Variants in UGGT2 observed in about 807,000 individuals in gnomAD.
The protein encoded by UGGT2 is UDP-glucose glycoprotein glucosyltransferase 2.
In UGGT2, 180 loss-of-function variants were observed where a neutral mutation model predicts 192.1. That is an observed-to-expected ratio of 0.94 (90% CI 0.83 to 1.06). UGGT2 has a LOEUF of 1.06. Ranked by LOEUF, UGGT2 falls within the 50% of genes least tolerant of loss-of-function variation. The pLI, the probability that UGGT2 is intolerant of heterozygous loss-of-function variation, is 0.00. For missense variants in UGGT2, 1,849 were observed against 1,795.7 expected (o/e 1.03, Z -0.54); for synonymous variants, 580 against 591.0 (o/e 0.98, Z 0.27).
chr13:95,854,436 G>C lies in UGGT2; in HGVS notation c.4048C>G (p.Leu1350Val), dbSNP rs1233434155. 1 of 1,610,752 alleles carries C rather than the reference G, an allele frequency of 6.2e-7. No homozygotes were observed. The change falls in exon 35 of 39, where the codon CTG becomes GTG. Residue 1350 changes from leucine to valine, a missense_variant. Physicochemically the swap from Leu to Val is conservative, Grantham distance 32 (BLOSUM62 1). Transcript: ENST00000376747. Reference sequence around the variant, plus strand: ...GTATACCCATAAGGAGCTCCATCCAGATCGAAATCTCGAAGTTCTTTTAGA... The same window carrying C: ...GTATACCCATAAGGAGCTCCATCCACATCGAAATCTCGAAGTTCTTTTAGA... ...HDLKELRDFD[L>V]DGAPYGYTPF...
rs1249377235 is a variant in UGGT2 at position 96,049,081 on chromosome 13, A to T, written c.158+4074T>A. ...TGATGAACATCAATGCAAAAACCTC[A>T]ATAAAATACTGGCAAACCAAATCCA... is the stretch of plus-strand genomic sequence containing the variant. On this transcript the variant is annotated intron_variant, in intron 1 of 38. Coordinates refer to ENST00000376747, the MANE Select transcript of UGGT2 (RefSeq NM_020121.4). 3.3e-5 allele frequency among the ~76,000 whole-genome samples: 5 copies of T among 152,238 alleles called. No individual in the cohort carries two copies. The East Asian group carries it at 9.6e-4, about 29-fold the overall frequency.
chr13:95,995,422 G>C (rs2051587506), intron 7 of UGGT2: 1 of 152,074 alleles, frequency 6.6e-6, no homozygotes, highest in South Asian at 2.1e-4. Context: ...AATAGTATGA[G>C]TGGTTATTAA....
chr13:96,032,315 G>A (rs2052862347), intron 1 of UGGT2, among the ~76,000 whole-genome samples: 1 of 151,382 alleles, frequency 6.6e-6, no homozygotes, highest in South Asian at 2.1e-4. Flanking sequence ...TTATAATTAA[G>A]ATAGAACATT....
At chr13:95,948,356 C>T (rs974533584) in intron 13 of UGGT2, among the ~76,000 whole-genome samples, 14 of 151,838 alleles carry the variant, frequency 9.2e-5, no homozygotes, top group African/African-American at 3.4e-4. Context: ...TTTTTGGAAG[C>T]CCAGTATATT....
chr13:95,815,332 A>G (rs1490118243), intron 38 of UGGT2, among the ~76,000 whole-genome samples: 1 of 152,246 alleles, frequency 6.6e-6, no homozygotes, highest in East Asian at 1.9e-4. Flanking sequence ...CTCTACAACT[A>G]TAACAGGACC....
chr13:96,008,283 AC>A (rs773870554), intron 5 of UGGT2, among the ~76,000 whole-genome samples: 8 of 152,184 alleles, frequency 5.3e-5, no homozygotes, highest in Non-Finnish European at 8.8e-5. Flanking sequence ...TTTGACAAAT[AC>A]CCATCTGACA....
intron 36 of UGGT2, among the ~76,000 whole-genome samples, chr13:95,838,784 C>T (rs1887564094): frequency 6.6e-6 from 1 of 152,044 alleles, no homozygotes; most frequent in Non-Finnish European, 1.5e-5. Context: ...ACCTGGCCTA[C>T]CATATTATCT....
chr13:95,988,167 A>G (rs762065400), intron 8 of UGGT2, among the ~76,000 whole-genome samples: 38 of 152,044 alleles, frequency 2.5e-4, no homozygotes, highest in Admixed American at 3.3e-4. Flanking sequence ...ACTGGAATCG[A>G]ATAATCCATT....
intron 3 of UGGT2, among the ~76,000 whole-genome samples, chr13:96,023,386 TATG>T (rs2052571023): frequency 1.3e-5 from 2 of 152,282 alleles, no homozygotes; most frequent in South Asian, 2.1e-4. Flanking sequence ...ATTAAAATTT[TATG>T]ATACTTCATT....
At position 95,894,655 on chromosome 13, in the gene UGGT2, A is replaced by T; in HGVS notation, c.2762T>A (p.Met921Lys). 6.2e-7 allele frequency: 1 copy of T among 1,611,146 alleles called. No homozygotes were observed. The change falls in exon 24 of 39, where the codon ATG (methionine) becomes AAG (lysine). Residue 921 changes from methionine to lysine, a missense_variant and splice_region_variant. By Grantham distance (95) the Met-to-Lys change is moderately conservative (BLOSUM62 -1). Coordinates refer to ENST00000376747, the MANE Select transcript of UGGT2 (RefSeq NM_020121.4). ...ATCAACTTTCATAATAAAGTCACTC[A>T]TGCTAGATAAACAAGACAAACAGTG... ...VENMGINANN[M>K]SDFIMKVDAL...
intron 37 of UGGT2, among the ~76,000 whole-genome samples, chr13:95,834,539 T>C (rs772044010): frequency 1.6e-4 from 24 of 152,170 alleles, no homozygotes; most frequent in East Asian, 1.9e-4. Context: ...ATTCCCACCT[T>C]CAATATTATT....
At chr13:95,969,365 GGTCTTGCAA>G (rs2050693044) in intron 12 of UGGT2, among the ~76,000 whole-genome samples, 1 of 152,002 alleles carries the variant, frequency 6.6e-6, no homozygotes, top group Admixed American at 6.6e-5. Context: ...ACAACTTCTG[GGTCTTGCAA>G]GTCCTTCTAG....
chr13:95,899,269 T>C (rs999771571), intron 22 of UGGT2, among the ~76,000 whole-genome samples: 4 of 152,194 alleles, frequency 2.6e-5, no homozygotes, highest in African/African-American at 9.7e-5. Flanking sequence ...AGCCAGTCTG[T>C]GGCATATTTT....
At chr13:95,941,830 C>CA (rs765276630) in intron 15 of UGGT2, among the ~76,000 whole-genome samples, 8 of 152,130 alleles carry the variant, frequency 5.3e-5, no homozygotes, top group Non-Finnish European at 1.2e-4. Context: ...AATGGAACAT[C>CA]ACCAATGCCA....
At chr13:96,023,835 CTAACT>C (rs1302815382) in intron 2 of UGGT2, 76 bp from the exon 3 acceptor site, 14 of 1,228,800 alleles carry the variant, frequency 1.1e-5, no homozygotes, top group Non-Finnish European at 1.5e-5. Flanking sequence ...CACTGTAAGG[CTAACT>C]TAATGTCATA....
chr13:95,882,310 G>A (rs1422447551), intron 27 of UGGT2, among the ~76,000 whole-genome samples: 1 of 152,194 alleles, frequency 6.6e-6, no homozygotes, highest in Non-Finnish European at 1.5e-5. Flanking sequence ...CCTGCCAAGG[G>A]AGAATTTTCC....
At chr13:95,837,681 A>C (rs1349038327) in intron 36 of UGGT2, among the ~76,000 whole-genome samples, 6 of 152,186 alleles carry the variant, frequency 3.9e-5, no homozygotes, top group African/African-American at 1.2e-4. Flanking sequence ...CATCTGGGTT[A>C]ATGGATGTTT....
intron 12 of UGGT2, among the ~76,000 whole-genome samples, chr13:95,959,535 G>A (rs2050321803): frequency 6.6e-6 from 1 of 152,086 alleles, no homozygotes; most frequent in Admixed American, 6.5e-5. Flanking sequence ...AGGGACGTGG[G>A]GATCACCCAG....
chr13:95,903,971 A>G (rs2048190750), intron 20 of UGGT2, among the ~76,000 whole-genome samples: 2 of 152,250 alleles, frequency 1.3e-5, no homozygotes, highest in African/African-American at 4.8e-5. Flanking sequence ...AATACTAAAC[A>G]TCCTTTGATA....
Sources: allele counts gnomAD v4.1 joint callset (sites outside exome capture counted in the v4.1 genomes callset), GRCh38; gene constraint gnomAD v4.1.1; transcripts MANE v1.5; gene names NCBI Gene and HGNC (gene_info 2026-07-23, HGNC 2026-07-21).